The following SORD variants were observed in gnomAD, a reference collection of about 807,000 sequenced individuals.
SORD encodes (R,R)-butanediol dehydrogenase.
Under a neutral mutation model 35.6 loss-of-function variants are expected in SORD, and 18 were observed. The observed-to-expected ratio is 0.51, with a 90% CI of 0.35 to 0.75. SORD has a LOEUF of 0.75. SORD is among the 30% of genes least tolerant of loss of function. The pLI is 0.01. For missense variants in SORD, 250 were observed against 390.2 expected, an observed-to-expected ratio of 0.64 and a Z score of 3.03; for synonymous variants, 106 against 152.9, an observed-to-expected ratio of 0.69 and a Z score of 2.26.
At position 45,034,742 on chromosome 15, in the gene SORD, A is replaced by G. The variant is rs556981917; in HGVS notation, c.67-5666A>G. Among the ~76,000 whole-genome samples, 24 of 152,320 alleles carry G rather than the reference A, an allele frequency of 1.6e-4. No homozygotes were observed. The South Asian group carries it at 5.0e-3, about 32-fold the overall frequency. On this transcript the variant is annotated intron_variant, in intron 1 of 8. Transcript: ENST00000267814. ...GGCTCCCGCTTTGGCGGCACTTGAG[A>G]AGCCCTTCAGCCCACCACTGCACCG...
At chr15:45,025,624 C>CA (rs34029087) in intron 1 of SORD, among the ~76,000 whole-genome samples, 9,792 of 68,000 alleles carry the variant, frequency 0.14, 555 homozygotes, top group Middle Eastern at 0.24. Flanking sequence ...AAAACTATGT[C>CA]AAAAAAAAAA....
intron 3 of SORD, among the ~76,000 whole-genome samples, chr15:45,048,134 C>T (rs1465944121): frequency 1.3e-5 from 2 of 152,194 alleles, no homozygotes; most frequent in Non-Finnish European, 2.9e-5. Flanking sequence ...ATTATTCCTA[C>T]CTGTCTCCCT....
intron 4 of SORD, among the ~76,000 whole-genome samples, chr15:45,064,541 T>G (rs1452384948): frequency 3.3e-5 from 5 of 152,208 alleles, no homozygotes; most frequent in Non-Finnish European, 7.3e-5. Flanking sequence ...AGAGTGAAGG[T>G]GACACTGCAT....
intron 3 of SORD, among the ~76,000 whole-genome samples, chr15:45,045,755 G>T (rs1408483400): frequency 6.6e-6 from 1 of 152,120 alleles, no homozygotes; most frequent in South Asian, 2.1e-4. Flanking sequence ...TGTAATCTCA[G>T]CACTTTGGGA....
intron 3 of SORD, among the ~76,000 whole-genome samples, chr15:45,051,075 G>T (rs868654063): frequency 2.0e-5 from 3 of 152,122 alleles, no homozygotes; most frequent in Admixed American, 1.3e-4. Context: ...ACCTATCAAA[G>T]TCCTATAGCT....
intron 7 of SORD, among the ~76,000 whole-genome samples, chr15:45,069,269 C>G (rs559279653): frequency 1.5e-5 from 2 of 132,562 alleles, no homozygotes; most frequent in Admixed American, 1.8e-4. Context: ...TGCCGTGGCT[C>G]GATCTCAGCT....
chr15:45,051,755 A>G (rs1380794023), intron 3 of SORD, among the ~76,000 whole-genome samples: 1 of 152,214 alleles, frequency 6.6e-6, no homozygotes, highest in Admixed American at 6.5e-5. Flanking sequence ...AGATAATTCT[A>G]TCAAATCTTA....
chr15:45,041,057 C>A (rs920188304), intron 2 of SORD, among the ~76,000 whole-genome samples: 2 of 152,198 alleles, frequency 1.3e-5, no homozygotes, highest in African/African-American at 2.4e-5. Flanking sequence ...TTACTCCACT[C>A]CTTCTAGGCC....
intron 1 of SORD, among the ~76,000 whole-genome samples, chr15:45,037,429 G>T (rs1425242322): frequency 1.3e-5 from 2 of 152,172 alleles, no homozygotes; most frequent in East Asian, 1.9e-4. Context: ...GAAATGGGGC[G>T]TTCAGGTCTG....
chr15:45,044,388 G>A (rs1893013172), intron 3 of SORD, among the ~76,000 whole-genome samples: 1 of 151,678 alleles, frequency 6.6e-6, no homozygotes, highest in South Asian at 2.1e-4. Flanking sequence ...GAGGGATATA[G>A]AAAAATGAGC....
intron 1 of SORD, among the ~76,000 whole-genome samples, chr15:45,030,102 C>A (rs1474928726): frequency 6.6e-6 from 1 of 152,234 alleles, no homozygotes; most frequent in African/African-American, 2.4e-5. Context: ...TTGATCCAGT[C>A]CCAGGATTTA....
chr15:45,026,053 G>C (rs143020556), intron 1 of SORD, among the ~76,000 whole-genome samples: 2,273 of 152,286 alleles, frequency 0.015, 43 homozygotes, highest in African/African-American at 0.051. Flanking sequence ...GTTGTCAGCA[G>C]AGGAGACCCA....
intron 1 of SORD, among the ~76,000 whole-genome samples, chr15:45,032,291 A>G (rs1325461260): frequency 3.9e-5 from 6 of 152,188 alleles, no homozygotes; most frequent in African/African-American, 1.4e-4. Context: ...AAGATGGTAA[A>G]TTTTATGTTA....
At chr15:45,035,207 C>T (rs1168602660) in intron 1 of SORD, among the ~76,000 whole-genome samples, 1 of 152,194 alleles carries the variant, frequency 6.6e-6, no homozygotes, top group Non-Finnish European at 1.5e-5. Context: ...CACCCAAGGG[C>T]TGAGGAGTGT....
chr15:45,052,140 C>T (rs1893134735), intron 3 of SORD, among the ~76,000 whole-genome samples: 1 of 152,310 alleles, frequency 6.6e-6, no homozygotes, highest in Middle Eastern at 3.4e-3. Flanking sequence ...TCTCTAATTT[C>T]CTCTGGGAGG....
intron 4 of SORD, among the ~76,000 whole-genome samples, chr15:45,061,476 T>C (rs1259927628): frequency 6.6e-6 from 1 of 152,210 alleles, no homozygotes; most frequent in Non-Finnish European, 1.5e-5. Context: ...AGAAAATTAT[T>C]GCTGAAATCA....
chr15:45,046,894 T>C (rs1893053286), intron 3 of SORD, among the ~76,000 whole-genome samples: 3 of 152,160 alleles, frequency 2.0e-5, no homozygotes, highest in Admixed American at 1.3e-4. Context: ...GGCATGCATC[T>C]GTAATCCCAG....
intron 3 of SORD, among the ~76,000 whole-genome samples, chr15:45,049,595 G>T (rs1323272435): frequency 6.6e-6 from 1 of 152,172 alleles, no homozygotes; most frequent in Non-Finnish European, 1.5e-5. Flanking sequence ...CATGGGACTT[G>T]GCTTTGGTTA....
intron 5 of SORD, among the ~76,000 whole-genome samples, chr15:45,065,617 TG>T (rs1893391612): frequency 6.6e-6 from 1 of 152,212 alleles, no homozygotes; most frequent in Admixed American, 6.5e-5. Context: ...TAGCCCTTTT[TG>T]TTCATTTAAA....
Sources: gnomAD v4.1 joint callset for allele counts (sites outside exome capture counted in the v4.1 genomes callset) on GRCh38, gnomAD v4.1.1 for gene constraint, MANE v1.5 for transcripts, NCBI Gene and HGNC (gene_info 2026-07-23, HGNC 2026-07-21) for gene names.